The following HS3ST3A1 variants were observed in gnomAD, a reference collection of about 807,000 sequenced individuals.
HS3ST3A1 encodes heparan sulfate glucosamine 3-O-sulfotransferase 3A1.
Under a neutral mutation model 25.7 loss-of-function variants are expected in HS3ST3A1, and 19 were observed. That is an observed-to-expected ratio of 0.74 (90% CI 0.52 to 1.08). The LOEUF is 1.08. HS3ST3A1 is among the 50% of genes least tolerant of loss of function. The pLI is 0.00. For synonymous variants in HS3ST3A1, 226 were observed against 278.6 expected (o/e 0.81, Z 1.88); for missense variants, 459 against 594.3 (o/e 0.77, Z 2.37).
In HS3ST3A1 at chr17:13,538,289, A is replaced by T. The variant is rs111584141; in HGVS notation, c.600-41471T>A. The stretch of plus-strand genomic sequence containing the variant: ...TGCAGACAAATTTATTTCAGAATTG[A>T]CTGAAATGGCTCAATTACTGACTGA... On this transcript the variant is annotated intron_variant, in intron 1 of 1. Transcript: ENST00000284110. Among the ~76,000 whole-genome samples, 311 of 152,322 alleles carry T rather than the reference A, an allele frequency of 2.0e-3. 3 individuals are homozygous for T. Among genetic ancestry groups the T allele is most frequent in the African/African-American group, 7.2e-3 (300 of 41,572 alleles).
intron 1 of HS3ST3A1, among the ~76,000 whole-genome samples, chr17:13,519,913 C>G (rs1341750491): frequency 1.3e-5 from 2 of 152,140 alleles, no homozygotes; most frequent in Admixed American, 1.3e-4. Context: ...AGAGTCTTCT[C>G]CCGTGTGAAG....
chr17:13,601,454 C>T lies in HS3ST3A1; in HGVS notation c.-325G>A. Reference sequence around the variant, plus strand: ...CCCCTCGGTTCCCCGCAAGAGTCGCCGGAATCGGGGTCTTGGCAGCGGTGT... The same window carrying T: ...CCCCTCGGTTCCCCGCAAGAGTCGCTGGAATCGGGGTCTTGGCAGCGGTGT... On this transcript the variant is annotated 5_prime_UTR_variant, in exon 1 of 2. Transcript: ENST00000284110. 3.8e-6 allele frequency: 1 copy of T among 264,440 alleles called. No individual in the cohort carries two copies. Among genetic ancestry groups the T allele is most frequent in the Non-Finnish European group, 7.1e-6 (1 of 141,616 alleles). The allele number at this position is 264,440 out of a possible 1,614,324, so 16.4% of individuals were successfully genotyped here. A position where few individuals can be genotyped will look rare whatever the true frequency, so the allele number is the denominator to read the frequency against.
intron 1 of HS3ST3A1, among the ~76,000 whole-genome samples, chr17:13,573,501 T>A (rs1172262563): frequency 2.6e-5 from 4 of 152,154 alleles, no homozygotes; most frequent in Non-Finnish European, 2.9e-5. Context: ...CATTTATGAT[T>A]CCTTTTTAGT....
At chr17:13,500,890 T>C (rs918812040) in intron 1 of HS3ST3A1, among the ~76,000 whole-genome samples, 10 of 152,210 alleles carry the variant, frequency 6.6e-5, no homozygotes, top group Non-Finnish European at 1.3e-4. Context: ...TATTGACAGA[T>C]GAACGGATAA....
At chr17:13,499,169 G>T (rs1419070489) in intron 1 of HS3ST3A1, among the ~76,000 whole-genome samples, 2 of 152,184 alleles carry the variant, frequency 1.3e-5, no homozygotes, top group Non-Finnish European at 2.9e-5. Flanking sequence ...TGACACAAAG[G>T]AGACACACAT....
intron 1 of HS3ST3A1, among the ~76,000 whole-genome samples, chr17:13,546,326 C>T (rs921037667): frequency 6.6e-6 from 1 of 152,004 alleles, no homozygotes; most frequent in East Asian, 1.9e-4. Context: ...AGTGCAGCGG[C>T]GTGATCTTGG....
At chr17:13,518,010 A>G (rs552928591) in intron 1 of HS3ST3A1, among the ~76,000 whole-genome samples, 4 of 152,322 alleles carry the variant, frequency 2.6e-5, no homozygotes, top group South Asian at 2.1e-4. Flanking sequence ...GAAGGATTCT[A>G]GAAGAAAAGT....
Position 13,551,811 on chromosome 17 carries a change from C to T in HS3ST3A1, c.599+48720G>A, listed in dbSNP as rs541533857. Among the ~76,000 whole-genome samples the T allele has an allele frequency of 8.5e-5, 13 of 152,238 alleles. No homozygotes were observed. The South Asian group carries it at 1.2e-3, about 15-fold the overall frequency. On this transcript the variant is annotated intron_variant, in intron 1 of 1. Transcript: ENST00000284110. Reference sequence around the variant, plus strand: ...CTTGACCATAATGATTTGTTTTCCACGCATTTGGTATTTCCTTGTGGCATT... The same window carrying T: ...CTTGACCATAATGATTTGTTTTCCATGCATTTGGTATTTCCTTGTGGCATT...
chr17:13,545,268 C>A (rs1907053349), intron 1 of HS3ST3A1, among the ~76,000 whole-genome samples: 1 of 152,286 alleles, frequency 6.6e-6, no homozygotes, highest in South Asian at 2.1e-4. Context: ...CTTAATGACA[C>A]CAGATAGTGT....
At chr17:13,538,636 C>G (rs76308728) in intron 1 of HS3ST3A1, among the ~76,000 whole-genome samples, 5,918 of 152,152 alleles carry the variant, frequency 0.039, 135 homozygotes, top group African/African-American at 0.059. Flanking sequence ...TTAAGAGACT[C>G]AGGCAAGATC....
Position 13,496,035 on chromosome 17 carries a change from G to A in HS3ST3A1, c.*162C>T, listed in dbSNP as rs1598404384. Reference sequence around the variant, plus strand: ...CTGTTGATCCACGTGTTTGGTGTTGGTTATACATTAAGATGGGGCGGGAGT... The same window carrying A: ...CTGTTGATCCACGTGTTTGGTGTTGATTATACATTAAGATGGGGCGGGAGT... On this transcript the variant is annotated 3_prime_UTR_variant, in exon 2 of 2. Coordinates refer to ENST00000284110, the MANE Select transcript of HS3ST3A1 (RefSeq NM_006042.3). The A allele has an allele frequency of 1.9e-5, 16 of 853,608 alleles. No individual in the cohort carries two copies. The East Asian group carries it at 4.6e-4, about 25-fold the overall frequency. 52.9% of individuals were successfully genotyped at this position (853,608 alleles called of 1,614,324 possible).
intron 1 of HS3ST3A1, among the ~76,000 whole-genome samples, chr17:13,556,352 C>T (rs1052381317): frequency 1.3e-4 from 19 of 151,426 alleles, no homozygotes; most frequent in South Asian, 1.0e-3. Flanking sequence ...ACTAAAAATA[C>T]AAAAAATCAG....
rs564237738 is a variant in HS3ST3A1, at chr17:13,495,132, G to A, written c.*1065C>T. On this transcript the variant is annotated 3_prime_UTR_variant, in exon 2 of 2. Transcript: ENST00000284110. ...AGACTCATACCTGTAAGTGCTAATTGAAATCTGTTTCTTTTTTTTTTTTAA... is the reference window on the plus strand; with the variant it reads ...AGACTCATACCTGTAAGTGCTAATTAAAATCTGTTTCTTTTTTTTTTTTAA... 2.0e-5 allele frequency among the ~76,000 whole-genome samples: 3 copies of A among 152,120 alleles called. No individual in the cohort carries two copies. The highest frequency in any genetic ancestry group is 7.2e-5 in the African/African-American group (3 of 41,504).
chr17:13,570,713 G>A (rs1270286066), intron 1 of HS3ST3A1, among the ~76,000 whole-genome samples: 5 of 152,206 alleles, frequency 3.3e-5, no homozygotes, highest in African/African-American at 9.6e-5. Context: ...TGGGCAATTC[G>A]CCAGCCTCAG....
chr17:13,514,372 G>C (rs969420597), intron 1 of HS3ST3A1, among the ~76,000 whole-genome samples: 1 of 151,906 alleles, frequency 6.6e-6, no homozygotes, highest in Admixed American at 6.5e-5. Context: ...ATCCATCTTT[G>C]ACTTGTATTT....
At chr17:13,535,792 C>T (rs1238196323) in intron 1 of HS3ST3A1, among the ~76,000 whole-genome samples, 1 of 152,126 alleles carries the variant, frequency 6.6e-6, no homozygotes, top group African/African-American at 2.4e-5. Context: ...AGAAACACAC[C>T]TGTTCATTGC....
intron 1 of HS3ST3A1, among the ~76,000 whole-genome samples, chr17:13,499,653 T>C (rs1905398477): frequency 2.0e-5 from 3 of 152,000 alleles, no homozygotes; most frequent in South Asian, 2.1e-4. Flanking sequence ...TTTGCAGAGA[T>C]TGAGGCTATA....
intron 1 of HS3ST3A1, among the ~76,000 whole-genome samples, chr17:13,565,457 G>C (rs1163668240): frequency 2.0e-5 from 3 of 152,154 alleles, no homozygotes; most frequent in Admixed American, 6.5e-5. Flanking sequence ...ACTTGAGCCT[G>C]GGAGGTCAAG....
chr17:13,580,227 T>G (rs924462419), intron 1 of HS3ST3A1, among the ~76,000 whole-genome samples: 2 of 152,082 alleles, frequency 1.3e-5, no homozygotes, highest in Admixed American at 1.3e-4. Flanking sequence ...CTTAAAATTT[T>G]CTCAGTGGTA....
Sources: gnomAD v4.1 joint callset for allele counts (sites outside exome capture counted in the v4.1 genomes callset) on GRCh38, gnomAD v4.1.1 for gene constraint, MANE v1.5 for transcripts, NCBI Gene and HGNC (gene_info 2026-07-23, HGNC 2026-07-21) for gene names.